Variants in POU2F3 observed in about 807,000 individuals in gnomAD.
The protein encoded by POU2F3 is POU class 2 homeobox 3.
In POU2F3, 23 loss-of-function variants were observed where a neutral mutation model predicts 59.2. The observed-to-expected ratio is 0.39, with a 90% CI of 0.28 to 0.55. The LOEUF (loss-of-function observed/expected upper bound fraction) is 0.55, where lower values mean the gene tolerates loss of function less well. Ranked by LOEUF, POU2F3 falls within the 20% of genes least tolerant of loss-of-function variation. POU2F3 has a pLI of 0.66. For synonymous variants in POU2F3, 190 were observed against 214.6 expected (o/e 0.89, Z 1.00); for missense variants, 473 against 544.5 (o/e 0.87, Z 1.31).
intron 12 of POU2F3, among the ~76,000 whole-genome samples, chr11:120,318,051 T>C (rs1941833636): frequency 6.6e-6 from 1 of 152,168 alleles, no homozygotes; most frequent in Non-Finnish European, 1.5e-5. Flanking sequence ...GCCCGAAACG[T>C]TGGCGCTCCT....
Position 120,240,391 on chromosome 11 carries a change from A to G in POU2F3, c.28+20A>G. The G allele has an allele frequency of 7.1e-7, 1 of 1,411,682 alleles. No individual in the cohort carries two copies. The highest frequency in any genetic ancestry group is 2.7e-5 in the East Asian group (1 of 36,942). 87.4% of individuals were successfully genotyped at this position (1,411,682 alleles called of 1,614,324 possible). A position where few individuals can be genotyped will look rare whatever the true frequency, so the allele number is the denominator to read the frequency against. ...ACACAGGTGAGGGGCGGAGGGAATG[A>G]GCTCTGACAGGTGTCACTGCGCGTG... On this transcript the variant is annotated intron_variant, in intron 1 of 12. Coordinates refer to ENST00000543440, the MANE Select transcript of POU2F3 (RefSeq NM_014352.4).
intron 7 of POU2F3, chr11:120,305,440 T>A: frequency 1.1e-6 from 1 of 939,046 alleles, no homozygotes; most frequent in Non-Finnish European, 1.6e-6. Flanking sequence ...CCTGAGCACG[T>A]GGGCGTGGTC....
chr11:120,305,059 C>T lies in POU2F3; in HGVS notation c.474C>T (p.Ser158=). 1 of 1,611,614 alleles carries T rather than the reference C, an allele frequency of 6.2e-7. No homozygotes were observed. Among genetic ancestry groups the T allele is most frequent in the Middle Eastern group, 1.7e-4 (1 of 6,052 alleles). The change falls in exon 7 of 13, where the codon TCC becomes TCT. Residue 158 remains serine, a synonymous_variant. Coordinates refer to ENST00000543440, the MANE Select transcript of POU2F3 (RefSeq NM_014352.4). ...QAFGHPGLPG[S]SLEPHLEASQ... The stretch of plus-strand genomic sequence containing the variant: ...TTGGGCACCCTGGGCTGCCAGGATC[C>T]TCTTTAGAACCCCACCTGGAAGCAT...
At chr11:120,314,005 C>T (rs752956287) in intron 10 of POU2F3, among the ~76,000 whole-genome samples, 13 of 152,088 alleles carry the variant, frequency 8.5e-5, no homozygotes, top group Non-Finnish European at 1.9e-4. Flanking sequence ...CAGAGCGAGA[C>T]TCCATCTCAA....
chr11:120,249,387 C>T (rs991208083), intron 2 of POU2F3, among the ~76,000 whole-genome samples: 13 of 152,286 alleles, frequency 8.5e-5, no homozygotes, highest in African/African-American at 2.9e-4. Context: ...CCCTCTGTCG[C>T]CCAGGCTGGA....
intron 5 of POU2F3, among the ~76,000 whole-genome samples, chr11:120,300,492 G>A (rs989190226): frequency 1.3e-5 from 2 of 152,082 alleles, no homozygotes; most frequent in African/African-American, 2.4e-5. Flanking sequence ...GGCCAGGCTC[G>A]GTGGCTCACG....
chr11:120,307,907 G>T (rs1386656658), intron 9 of POU2F3, among the ~76,000 whole-genome samples: 1 of 152,192 alleles, frequency 6.6e-6, no homozygotes, highest in Non-Finnish European at 1.5e-5. Flanking sequence ...TAGGGTCCCA[G>T]AACACAGTGT....
At chr11:120,294,299 T>C (rs1941122450) in intron 3 of POU2F3, among the ~76,000 whole-genome samples, 2 of 152,206 alleles carry the variant, frequency 1.3e-5, no homozygotes, top group African/African-American at 2.4e-5. Flanking sequence ...GGCTGCTCAG[T>C]GGCTGTGGCA....
chr11:120,267,912 A>G (rs1939903152), intron 2 of POU2F3, among the ~76,000 whole-genome samples: 1 of 152,114 alleles, frequency 6.6e-6, no homozygotes. Context: ...AACCAATAAT[A>G]CAGGAGACCC....
chr11:120,315,758 A>G (rs1006426842), intron 11 of POU2F3, among the ~76,000 whole-genome samples: 9 of 152,098 alleles, frequency 5.9e-5, no homozygotes, highest in Non-Finnish European at 1.3e-4. Flanking sequence ...AAAAGCACCT[A>G]ATTATTTCAA....
intron 3 of POU2F3, among the ~76,000 whole-genome samples, chr11:120,274,108 A>AAGGAAGAAAGGAAGGAAGGAAGG (rs1940212417): frequency 2.4e-4 from 28 of 116,226 alleles, no homozygotes; most frequent in African/African-American, 9.6e-4. Flanking sequence ...AGGAAGGAAG[A>AAGGAAGAAAGGAAGGAAGGAAGG]AAGGAAGGAA....
rs1484736641 is a variant in POU2F3 at position 120,285,407 on chromosome 11, G to A, written c.133-12858G>A. Among the ~76,000 whole-genome samples the A allele has an allele frequency of 2.6e-5, 4 of 152,280 alleles. No homozygotes were observed. Among genetic ancestry groups the A allele is most frequent in the Admixed American group, 6.5e-5 (1 of 15,296 alleles). ...CGCTTCTGTTTCAGGGCCTGTGTCT[G>A]TCCCAATCACATGGCAGCCCTTCAA... On this transcript the variant is annotated intron_variant, in intron 3 of 12. Coordinates refer to ENST00000543440, the MANE Select transcript of POU2F3 (RefSeq NM_014352.4). The surrounding 1 kb of genome is among the most constrained non-coding windows in gnomAD (Gnocchi z 4.3).
intron 1 of POU2F3, among the ~76,000 whole-genome samples, chr11:120,241,103 G>A (rs1343624721): frequency 6.6e-6 from 1 of 152,240 alleles, no homozygotes; most frequent in East Asian, 1.9e-4. Flanking sequence ...GGCTAAGGCA[G>A]GAGCTGCCAG....
intron 7 of POU2F3, 185 bp from the exon 8 acceptor site, chr11:120,305,459 G>C: frequency 9.5e-7 from 1 of 1,047,570 alleles, no homozygotes; most frequent in African/African-American, 1.6e-5. Flanking sequence ...TCCACTGAGA[G>C]TCTAAGGAGA....
chr11:120,271,864 A>G (rs943889118), intron 3 of POU2F3, among the ~76,000 whole-genome samples: 5 of 152,144 alleles, frequency 3.3e-5, no homozygotes, highest in African/African-American at 1.2e-4. Flanking sequence ...CATCACTGAC[A>G]AGAACAGACA....
At chr11:120,286,313 A>G (rs572540346) in intron 3 of POU2F3, among the ~76,000 whole-genome samples, 17 of 152,240 alleles carry the variant, frequency 1.1e-4, no homozygotes, top group African/African-American at 4.1e-4. Context: ...TTGCCTTTAC[A>G]TGCATGTGTT....
chr11:120,305,065 A>C lies in POU2F3; in HGVS notation c.480A>C (p.Leu160Phe). 6.2e-7 allele frequency: 1 copy of C among 1,611,818 alleles called. No homozygotes were observed. Among genetic ancestry groups the C allele is most frequent in the Non-Finnish European group, 8.5e-7 (1 of 1,179,576 alleles). Residue 160 changes from leucine to phenylalanine, a missense_variant, in exon 7 of 13, where the codon TTA becomes TTC. Transcript: ENST00000543440. ...FGHPGLPGSS[L>F]EPHLEASQHL... Reference sequence around the variant, plus strand: ...ACCCTGGGCTGCCAGGATCCTCTTTAGAACCCCACCTGGAAGCATCCCAGC... The same window carrying C: ...ACCCTGGGCTGCCAGGATCCTCTTTCGAACCCCACCTGGAAGCATCCCAGC...
At position 120,240,215 on chromosome 11, in the gene POU2F3, C is replaced by T; in HGVS notation, c.-129C>T. The T allele has an allele frequency of 1.6e-6, 2 of 1,244,092 alleles. No individual in the cohort carries two copies. Among genetic ancestry groups the T allele is most frequent in the East Asian group, 3.2e-5 (1 of 31,208 alleles). The allele number at this position is 1,244,092 out of a possible 1,614,324, so 77.1% of individuals were successfully genotyped here. A position where few individuals can be genotyped will look rare whatever the true frequency, so the allele number is the denominator to read the frequency against. The stretch of plus-strand genomic sequence containing the variant: ...GCGCGCGACAGTGGCGGCGACGGCT[C>T]CGGCAGCGGCTCCCGCGGCGGCGGC... On this transcript the variant is annotated 5_prime_UTR_variant, in exon 1 of 13. Transcript: ENST00000543440.
At position 120,316,455 on chromosome 11, in the gene POU2F3, G is replaced by A. The variant is rs143010507; in HGVS notation, c.1136-774G>A. Reference sequence around the variant, plus strand: ...GTTTTGTTTTGTTTTTTGAGACAGCGTCTTGCTCTGTTGCCCAGGCAATGT... The same window carrying A: ...GTTTTGTTTTGTTTTTTGAGACAGCATCTTGCTCTGTTGCCCAGGCAATGT... On this transcript the variant is annotated intron_variant, in intron 11 of 12. Transcript: ENST00000543440. Among the ~76,000 whole-genome samples, 99 of 152,212 alleles carry A rather than the reference G, an allele frequency of 6.5e-4. 2 individuals are homozygous for A. The highest frequency in any genetic ancestry group is 1.2e-3 in the Non-Finnish European group (85 of 68,008).
Sources: allele counts gnomAD v4.1 joint callset (sites outside exome capture counted in the v4.1 genomes callset), GRCh38; gene constraint gnomAD v4.1.1; non-coding constraint Gnocchi (gnomAD v3.1); transcripts MANE v1.5; gene names NCBI Gene and HGNC (gene_info 2026-07-23, HGNC 2026-07-21).